Variants in MTRR observed in about 807,000 individuals in gnomAD.
The protein encoded by MTRR is methionine synthase reductase.
In MTRR, 63 loss-of-function variants were observed where a neutral mutation model predicts 79.2. The ratio of observed to expected loss-of-function variants is 0.80; its 90% CI spans 0.65 to 0.98. MTRR has a LOEUF of 0.98. Ranked by LOEUF, MTRR falls within the 50% of genes least tolerant of loss-of-function variation. The probability of loss-of-function intolerance (pLI) is 0.00; values close to 1 mark genes in which losing one functional copy is unlikely to be tolerated. For synonymous variants in MTRR, 355 were observed against 313.3 expected (o/e 1.13, Z -1.41); for missense variants, 895 against 839.6 (o/e 1.07, Z -0.82).
intron 1 of MTRR, chr5:7,861,278 A>C: frequency 7.1e-7 from 1 of 1,407,864 alleles, no homozygotes; most frequent in Non-Finnish European, 9.6e-7. Flanking sequence ...AAAATAAAAA[A>C]GGAGAAAAAT....
rs777714107 is a variant in MTRR at position 7,889,270 on chromosome 5, T to A, written c.1322T>A (p.Leu441Gln). ...TCTTGCCAGCCACCACTCAGTCTCC[T>A]GCTCGGTGAGTAGTCGCTTTCACAA... is the stretch of plus-strand genomic sequence containing the variant. ...FPSCQPPLSL[L>Q]LEHLPKLQPR... Residue 441 changes from leucine to glutamine, a missense_variant, in exon 9 of 15, where the codon CTG (leucine) becomes CAG (glutamine). Coordinates refer to ENST00000440940, the MANE Select transcript of MTRR (RefSeq NM_002454.3). 33 of 1,612,578 alleles carry A rather than the reference T, an allele frequency of 2.0e-5. No homozygotes were observed. Among genetic ancestry groups the A allele is most frequent in the Non-Finnish European group, 3.4e-6 (4 of 1,180,022 alleles).
chr5:7,861,085 C>A, intron 1 of MTRR: 2 of 1,001,728 alleles, frequency 2.0e-6, no homozygotes, highest in East Asian at 2.4e-5. Flanking sequence ...TAAAAGTAAC[C>A]TGGAAAAATA....
At chr5:7,872,118 A>T (rs1748091191) in intron 2 of MTRR, 3 of 314,506 alleles carry the variant, frequency 9.5e-6, no homozygotes, top group Middle Eastern at 9.6e-4. Flanking sequence ...TTTTCAAGGT[A>T]CTGACATTAC....
rs748945898 is a variant in MTRR, at chr5:7,899,975, G to A, written c.2014G>A (p.Val672Ile). 1.9e-6 allele frequency: 3 copies of A among 1,614,112 alleles called. No individual in the cohort carries two copies. The highest frequency in any genetic ancestry group is 1.1e-5 in the South Asian group (1 of 91,078). Reference protein sequence around the residue: ...DALVQIISKEVGVEKLEAMKT... With the variant: ...DALVQIISKEIGVEKLEAMKT... ...CCTTGTGCAAATAATAAGCAAAGAG[G>A]TTGGAGTTGAAAAACTAGAAGCAAT... The change falls in exon 15 of 15, where the codon GTT becomes ATT. Residue 672 changes from valine to isoleucine, a missense_variant. Val to Ile is a conservative substitution (Grantham distance 29, BLOSUM62 3). Transcript: ENST00000440940.
At chr5:7,880,444 A>C (rs895057094) in intron 5 of MTRR, among the ~76,000 whole-genome samples, 6 of 152,138 alleles carry the variant, frequency 3.9e-5, no homozygotes, top group African/African-American at 1.4e-4. Context: ...GTTAAGGAAA[A>C]CCAGCTTGCA....
At chr5:7,885,986 A>G (rs975869581) in intron 7 of MTRR, 132 bp downstream of exon 7, 16 of 1,178,108 alleles carry the variant, frequency 1.4e-5, no homozygotes, top group Non-Finnish European at 1.9e-5. Flanking sequence ...CTGCGCATCA[A>G]GGTCTGGGAA....
rs769586426 is a variant in MTRR, at chr5:7,891,392, C to T, written c.1348C>T (p.Pro450Ser). 3 of 1,606,616 alleles carry T rather than the reference C, an allele frequency of 1.9e-6. No individual in the cohort carries two copies. The Admixed American group carries it at 5.0e-5, about 27-fold the overall frequency. ...LLLEHLPKLQPRPYSCASSSL... is the reference protein window; with the variant it reads ...LLLEHLPKLQSRPYSCASSSL... Reference sequence around the variant, plus strand: ...TCTAGAACATCTTCCTAAACTTCAACCCAGACCATATTCGTGTGCAAGGTA... The same window carrying T: ...TCTAGAACATCTTCCTAAACTTCAATCCAGACCATATTCGTGTGCAAGGTA... Residue 450 changes from proline to serine, a missense_variant, in exon 10 of 15, where the codon CCC (proline) becomes TCC (serine). Transcript: ENST00000440940.
intron 13 of MTRR, 53 bp downstream of exon 13, chr5:7,897,009 C>A: frequency 6.2e-7 from 1 of 1,612,158 alleles, no homozygotes; most frequent in Non-Finnish European, 8.5e-7. Flanking sequence ...AATTCTAATT[C>A]TCAGACTTTT....
chr5:7,871,848 A>T (rs1470215479), intron 2 of MTRR, among the ~76,000 whole-genome samples: 1 of 152,212 alleles, frequency 6.6e-6, no homozygotes. Context: ...ACAGTAACTT[A>T]AGTTCAGATT....
upstream of MTRR, chr5:7,868,970 G>C (rs1045790556): frequency 6.2e-6 from 5 of 801,574 alleles, no homozygotes; most frequent in Admixed American, 1.8e-5. Flanking sequence ...ACCCCGCGTT[G>C]ACACCTACCG....
intron 5 of MTRR, 130 bp from the exon 6 acceptor site, chr5:7,883,025 A>G: frequency 8.2e-7 from 1 of 1,213,080 alleles, no homozygotes; most frequent in Non-Finnish European, 1.2e-6. Flanking sequence ...GCCCTCATTC[A>G]TTTACCTTGG....
upstream of MTRR, chr5:7,867,720 T>C: frequency 1.9e-6 from 3 of 1,614,242 alleles, no homozygotes; most frequent in East Asian, 2.2e-5. Context: ...AGGGTTTCCA[T>C]CGTGCTTATA....
chr5:7,859,624 C>G lies in MTRR; in HGVS notation n.392-2327C>G, dbSNP rs1579524694. 4 of 783,900 alleles carry G rather than the reference C, an allele frequency of 5.1e-6. No homozygotes were observed. In the East Asian group the frequency reaches 1.1e-4, roughly 22 times the overall value. The allele number at this position is 783,900 out of a possible 1,614,324, so 48.6% of individuals were successfully genotyped here. On this transcript the variant is annotated intron_variant and non_coding_transcript_variant, in intron 1 of 3. Transcript: ENST00000502509. ...TATTGGTTACTTTGTTTGTTTCTTA[C>G]ACGCTTCCCCACAGCGGAATGTAAG...
chr5:7,891,212 A>G (rs1737488175), intron 9 of MTRR, among the ~76,000 whole-genome samples, 160 bp from the exon 10 acceptor site: 1 of 151,774 alleles, frequency 6.6e-6, no homozygotes, highest in African/African-American at 2.4e-5. Context: ...GTAATATTTT[A>G]CTTGAACACA....
chr5:7,868,166 C>T, upstream of MTRR: 3 of 471,258 alleles, frequency 6.4e-6, no homozygotes, highest in Non-Finnish European at 1.0e-5. Context: ...ATTGACCCAA[C>T]ATCAATGTTT....
rs1180892266 is a variant in MTRR, at chr5:7,870,880, A to C, written c.86A>C (p.His29Pro). ...AEEICEQAVVHGFSADLHCIS... is the reference protein window; with the variant it reads ...AEEICEQAVVPGFSADLHCIS... ...GAAATATGTGAGCAAGCTGTGGTAC[A>C]TGGATTTTCTGCAGATCTTCACTGT... The change falls in exon 2 of 15, where the codon CAT becomes CCT. Residue 29 changes from histidine (H) to proline (P), a missense_variant. Coordinates refer to ENST00000440940, the MANE Select transcript of MTRR (RefSeq NM_002454.3). The C allele has an allele frequency of 6.2e-7, 1 of 1,614,230 alleles. No individual in the cohort carries two copies. The highest frequency in any genetic ancestry group is 1.3e-5 in the African/African-American group (1 of 75,068).
chr5:7,866,259 G>A (rs567807107), upstream of MTRR, among the ~76,000 whole-genome samples: 5 of 151,362 alleles, frequency 3.3e-5, no homozygotes, highest in Non-Finnish European at 4.4e-5. Context: ...ATGGAGTTCC[G>A]GAAATTTGAC....
chr5:7,879,635 A>G lies in MTRR; in HGVS notation c.780+1313A>G, dbSNP rs184867177. On this transcript the variant is annotated intron_variant, in intron 5 of 14. Transcript: ENST00000440940. ...GAGAGAGTAAAGAATTGGGAAAAAA[A>G]GAATGTTTTGTAGGGCATCCTCTTG... Among the ~76,000 whole-genome samples, 244 of 152,292 alleles carry G rather than the reference A, an allele frequency of 1.6e-3. 3 individuals carry two copies. The highest frequency in any genetic ancestry group is 5.6e-3 in the African/African-American group (233 of 41,560).
chr5:7,876,118 T>C (rs1239779053), intron 4 of MTRR, among the ~76,000 whole-genome samples: 2 of 152,238 alleles, frequency 1.3e-5, no homozygotes, highest in Non-Finnish European at 2.9e-5. Context: ...ATAATCTGTT[T>C]ATGAGAAAAT....
Sources: allele counts gnomAD v4.1 joint callset (sites outside exome capture counted in the v4.1 genomes callset), GRCh38; gene constraint gnomAD v4.1.1; transcripts MANE v1.5; gene names NCBI Gene and HGNC (gene_info 2026-07-23, HGNC 2026-07-21).